The following LRRC7 variants were observed in gnomAD, a reference collection of about 807,000 sequenced individuals.
LRRC7 encodes leucine-rich repeat-containing protein 7.
A neutral mutation model predicts 175.7 loss-of-function variants in LRRC7; 23 were observed. The ratio of observed to expected loss-of-function variants is 0.13; its 90% CI spans 0.09 to 0.19. LRRC7 has a LOEUF of 0.19. LRRC7 is among the 10% of genes least tolerant of loss of function. The pLI, the probability that LRRC7 is intolerant of heterozygous loss-of-function variation, is 1.00. For synonymous variants in LRRC7, 685 were observed against 680.9 expected (o/e 1.01, Z -0.09); for missense variants, 1,354 against 1,904.7 (o/e 0.71, Z 5.38).
At chr1:69,837,883 T>C (rs575737401) in intron 6 of LRRC7, among the ~76,000 whole-genome samples, 21 of 151,620 alleles carry the variant, frequency 1.4e-4, no homozygotes, top group African/African-American at 5.1e-4. Flanking sequence ...GACATAGCTG[T>C]TTGAATAGTG....
At chr1:69,644,634 AGCAC>A (rs1369757706) in intron 1 of LRRC7, among the ~76,000 whole-genome samples, 1 of 152,040 alleles carries the variant, frequency 6.6e-6, no homozygotes, top group Non-Finnish European at 1.5e-5. Context: ...ACCAATATTA[AGCAC>A]ACACGTTCAA....
intron 5 of LRRC7, among the ~76,000 whole-genome samples, chr1:69,827,933 C>G (rs916583840): frequency 6.6e-6 from 1 of 152,118 alleles, no homozygotes; most frequent in African/African-American, 2.4e-5. Context: ...AAGATATAGA[C>G]TATTGCATCA....
At chr1:69,781,332 A>G (rs1203627781) in intron 3 of LRRC7, among the ~76,000 whole-genome samples, 1 of 151,940 alleles carries the variant, frequency 6.6e-6, no homozygotes, top group Admixed American at 6.6e-5. Context: ...AGTTCTCACC[A>G]TTATCTTTCC....
At chr1:69,735,892 C>G (rs1316432272) in intron 2 of LRRC7, among the ~76,000 whole-genome samples, 1 of 151,814 alleles carries the variant, frequency 6.6e-6, no homozygotes, top group Admixed American at 6.6e-5. Context: ...CCTCTCTCCC[C>G]CTACCACCCC....
chr1:69,921,131 G>C (rs567983912), intron 7 of LRRC7, among the ~76,000 whole-genome samples: 3 of 152,188 alleles, frequency 2.0e-5, no homozygotes, highest in South Asian at 2.1e-4. Context: ...TTAAGATCTG[G>C]GGGGAGAAAG....
At chr1:69,781,471 C>G (rs1673476976) in intron 3 of LRRC7, among the ~76,000 whole-genome samples, 1 of 151,550 alleles carries the variant, frequency 6.6e-6, no homozygotes, top group African/African-American at 2.4e-5. Context: ...CACTTGAGGT[C>G]AGGAGGTCGA....
intron 23 of LRRC7, among the ~76,000 whole-genome samples, chr1:70,067,267 A>G (rs1032130203): frequency 6.6e-6 from 1 of 151,984 alleles, no homozygotes; most frequent in Non-Finnish European, 1.5e-5. Flanking sequence ...AGCATTTAAC[A>G]TTTAAGTCTG....
chr1:70,053,856 G>A (rs1469924824), intron 23 of LRRC7, among the ~76,000 whole-genome samples: 2 of 152,076 alleles, frequency 1.3e-5, no homozygotes, highest in African/African-American at 4.8e-5. Context: ...TAAAATACAA[G>A]GGGAATCAGG....
chr1:70,076,688 T>C (rs1430724880), intron 24 of LRRC7, among the ~76,000 whole-genome samples: 1 of 152,212 alleles, frequency 6.6e-6, no homozygotes. Flanking sequence ...AAGTAAACTA[T>C]ATTATTTCCC....
chr1:69,834,194 G>A (rs1570228540), intron 5 of LRRC7, among the ~76,000 whole-genome samples: 1 of 151,512 alleles, frequency 6.6e-6, no homozygotes, highest in Non-Finnish European at 1.5e-5. Flanking sequence ...AATGTTCTTT[G>A]TCATTTTTAA....
intron 1 of LRRC7, among the ~76,000 whole-genome samples, chr1:69,604,508 T>G (rs1194919750): frequency 6.6e-6 from 1 of 152,172 alleles, no homozygotes; most frequent in Non-Finnish European, 1.5e-5. Context: ...AGAAAAACAT[T>G]AATTCACTAA....
Position 70,129,211 on chromosome 1 carries a change from C to A in LRRC7, c.*7324C>A, listed in dbSNP as rs1666567876. Reference sequence around the variant, plus strand: ...GCAGTGAGCTGAGATGGCGCCACAGCTCTCCAGCCTGGGTGACAGAGTGAG... The same window carrying A: ...GCAGTGAGCTGAGATGGCGCCACAGATCTCCAGCCTGGGTGACAGAGTGAG... On this transcript the variant is annotated 3_prime_UTR_variant, in exon 27 of 27. Transcript: ENST00000651989. Among the ~76,000 whole-genome samples the A allele has an allele frequency of 6.6e-6, 1 of 150,774 alleles. No homozygotes were observed. Among genetic ancestry groups the A allele is most frequent in the African/African-American group, 2.4e-5 (1 of 40,876 alleles).
At chr1:69,891,826 A>G (rs886793868) in intron 7 of LRRC7, among the ~76,000 whole-genome samples, 4 of 137,268 alleles carry the variant, frequency 2.9e-5, no homozygotes, top group African/African-American at 1.0e-4. Flanking sequence ...CAAAGACATG[A>G]GTGAGCACAT....
intron 10 of LRRC7, among the ~76,000 whole-genome samples, chr1:69,990,192 A>G (rs1654302734): frequency 6.6e-6 from 1 of 152,128 alleles, no homozygotes; most frequent in Admixed American, 6.6e-5. Context: ...TACCAACTTA[A>G]TTTGGTAAAT....
chr1:69,995,853 G>A (rs529253703), intron 11 of LRRC7, among the ~76,000 whole-genome samples: 344 of 151,250 alleles, frequency 2.3e-3, no homozygotes, highest in Non-Finnish European at 3.7e-3. Flanking sequence ...GAATAATGCC[G>A]CAATAAACAT....
Position 70,001,686 on chromosome 1 carries a change from A to G in LRRC7, c.1004+7053A>G, listed in dbSNP as rs1655535518. Among the ~76,000 whole-genome samples the G allele has an allele frequency of 2.0e-5, 3 of 152,218 alleles. No homozygotes were observed. The South Asian group carries it at 6.2e-4, about 32-fold the overall frequency. ...TGGAAGAATTCATTTTTCACAGTTA[A>G]AATGGATTCCATGACATTTGTGCCA... On this transcript the variant is annotated intron_variant, in intron 11 of 26. Transcript: ENST00000651989.
At chr1:69,968,777 G>A (rs1175942182) in intron 8 of LRRC7, among the ~76,000 whole-genome samples, 1 of 152,024 alleles carries the variant, frequency 6.6e-6, no homozygotes, top group African/African-American at 2.4e-5. Context: ...ACCGCTGAAA[G>A]GAGCTCTATA....
At chr1:69,643,917 A>G (rs1463856447) in intron 1 of LRRC7, among the ~76,000 whole-genome samples, 2 of 152,178 alleles carry the variant, frequency 1.3e-5, no homozygotes, top group Non-Finnish European at 2.9e-5. Flanking sequence ...TAAACAACGT[A>G]TTTAAAAATA....
rs749031828 is a variant in LRRC7, at chr1:70,038,935, A to C, written c.3111A>C (p.Ser1037=). 4.3e-6 allele frequency: 7 copies of C among 1,614,054 alleles called. No individual in the cohort carries two copies. Among genetic ancestry groups the C allele is most frequent in the Non-Finnish European group, 5.1e-6 (6 of 1,180,000 alleles). ...TGTCCAGTATGTCTCGAAGCCAGTCAGTCCCAATGCTGGATGATGAGATGC... is the reference window on the plus strand; with the variant it reads ...TGTCCAGTATGTCTCGAAGCCAGTCCGTCCCAATGCTGGATGATGAGATGC... ...HGMSSMSRSQ[S]VPMLDDEMLT... The change falls in exon 21 of 27, where the codon TCA becomes TCC. Residue 1037 remains serine (S), a synonymous_variant. Coordinates refer to ENST00000651989, the MANE Select transcript of LRRC7 (RefSeq NM_001370785.2).
Sources: gnomAD v4.1 joint callset for allele counts (sites outside exome capture counted in the v4.1 genomes callset) on GRCh38, gnomAD v4.1.1 for gene constraint, MANE v1.5 for transcripts, NCBI Gene and HGNC (gene_info 2026-07-23, HGNC 2026-07-21) for gene names.